The following TARDBP variants were observed in gnomAD, a reference collection of about 807,000 sequenced individuals.
TARDBP encodes the protein TAR DNA binding protein.
In TARDBP, 4 loss-of-function variants were observed where a neutral mutation model predicts 38.3. That is an observed-to-expected ratio of 0.10 (90% CI 0.05 to 0.24). TARDBP has a LOEUF of 0.24. Ranked by LOEUF, TARDBP falls within the 10% of genes least tolerant of loss-of-function variation. The pLI is 1.00. For missense variants in TARDBP, 202 were observed against 521.9 expected, an observed-to-expected ratio of 0.39 and a Z score of 5.97; for synonymous variants, 184 against 183.8, an observed-to-expected ratio of 1.00 and a Z score of -0.01.
In TARDBP at chr1:11,022,959, C is replaced by T. The variant is rs1002221471; in HGVS notation, c.*305C>T. On this transcript the variant is annotated 3_prime_UTR_variant, in exon 6 of 6. Transcript: ENST00000240185. The surrounding 1 kb of genome is among the most constrained non-coding windows in gnomAD (Gnocchi z 4.5). ...AAGGTTTCTCCTGTAATATTTTATCCCTGGACTTGTCAAGTGAATTCTTTG... is the reference window on the plus strand; with the variant it reads ...AAGGTTTCTCCTGTAATATTTTATCTCTGGACTTGTCAAGTGAATTCTTTG... 15 of 1,381,370 alleles carry T rather than the reference C, an allele frequency of 1.1e-5. No homozygotes were observed. The highest frequency in any genetic ancestry group is 2.7e-4 in the Middle Eastern group (1 of 3,654). The allele number at this position is 1,381,370 out of a possible 1,614,324, so 85.6% of individuals were successfully genotyped here. A position where few individuals can be genotyped will look rare whatever the true frequency, so the allele number is the denominator to read the frequency against.
chr1:11,021,084 A>G (rs1643628004), intron 5 of TARDBP, among the ~76,000 whole-genome samples: 2 of 152,182 alleles, frequency 1.3e-5, no homozygotes, highest in South Asian at 2.1e-4. Context: ...AAGAAATCTA[A>G]AAGTAAATAT....
At chr1:11,017,539 C>G (rs961234734) in intron 3 of TARDBP, among the ~76,000 whole-genome samples, 1 of 152,046 alleles carries the variant, frequency 6.6e-6, no homozygotes, top group Admixed American at 6.6e-5. Flanking sequence ...CTTTCTGTTA[C>G]ACAGATGATA....
At chr1:11,021,467 G>A (rs1360805077) in intron 5 of TARDBP, among the ~76,000 whole-genome samples, 1 of 151,288 alleles carries the variant, frequency 6.6e-6, no homozygotes, top group African/African-American at 2.4e-5. Context: ...AGTAGATAAC[G>A]GGGTTTCACT....
downstream of TARDBP, among the ~76,000 whole-genome samples, chr1:11,028,703 TTTC>T (rs571897846): frequency 0.5 from 17,996 of 35,648 alleles, 3,273 homozygotes; most frequent in African/African-American, 0.61. Flanking sequence ...CTGGGTTTTT[TTTC>T]TTTTTTTTTT....
Position 11,022,318 on chromosome 1 carries a change from A to C in TARDBP, c.909A>C (p.Gln303His), listed in dbSNP as rs1375684772. ...RGGGAGLGNNQGSNMGGGMNF... is the reference protein window; with the variant it reads ...RGGGAGLGNNHGSNMGGGMNF... ...GTGGAGCTGGTTTGGGAAACAATCA[A>C]GGTAGTAATATGGGTGGTGGGATGA... is the stretch of plus-strand genomic sequence containing the variant. The change falls in exon 6 of 6, where the codon CAA (glutamine) becomes CAC (histidine). Residue 303 changes from glutamine (Q) to histidine (H), a missense_variant. Transcript: ENST00000240185. This position sits in a 1 kb window ranked among gnomAD's most constrained non-coding sequence, Gnocchi z 4.5. 1.2e-6 allele frequency: 2 copies of C among 1,613,958 alleles called. No homozygotes were observed. Among genetic ancestry groups the C allele is most frequent in the Non-Finnish European group, 1.7e-6 (2 of 1,179,864 alleles).
At chr1:11,026,757 CTG>C (rs761274634), downstream of TARDBP, 2 of 700,774 alleles carry the variant, frequency 2.9e-6, no homozygotes, top group African/African-American at 1.9e-5. Flanking sequence ...CACCTGGAGT[CTG>C]TTTTTTTGGG....
In TARDBP at chr1:11,022,075, A is replaced by G. The variant is rs779626801; in HGVS notation, c.715-49A>G. ...TAAGTTTTGTTGCTACTTTAAATAT[A>G]TGAATCAGTGGTTTAATCTTCTTTG... On this transcript the variant is annotated intron_variant, in intron 5 of 5. Coordinates refer to ENST00000240185, the MANE Select transcript of TARDBP (RefSeq NM_007375.4). This position sits in a 1 kb window ranked among gnomAD's most constrained non-coding sequence, Gnocchi z 4.5. 1.2e-6 allele frequency: 2 copies of G among 1,606,292 alleles called. No homozygotes were observed. Among genetic ancestry groups the G allele is most frequent in the East Asian group, 2.2e-5 (1 of 44,844 alleles).
chr1:11,017,067 T>G (rs1424281649), intron 3 of TARDBP, 60 bp downstream of exon 3: 6 of 1,568,950 alleles, frequency 3.8e-6, no homozygotes, highest in Non-Finnish European at 5.3e-6. Flanking sequence ...CTAGCATTTA[T>G]TTATTGGTAT....
intron 5 of TARDBP, among the ~76,000 whole-genome samples, chr1:11,021,466 C>CG (rs1643637154): frequency 6.6e-6 from 1 of 151,570 alleles, no homozygotes; most frequent in Admixed American, 6.6e-5. Context: ...TAGTAGATAA[C>CG]GGGGTTTCAC....
intron 5 of TARDBP, among the ~76,000 whole-genome samples, chr1:11,021,721 C>T (rs1018429252): frequency 3.3e-5 from 5 of 152,230 alleles, no homozygotes; most frequent in African/African-American, 1.2e-4. Context: ...CAGCTTCAGC[C>T]TCCCAAGTAG....
At chr1:11,019,929 A>G (rs1467296889) in intron 4 of TARDBP, among the ~76,000 whole-genome samples, 13 of 144,606 alleles carry the variant, frequency 9.0e-5, no homozygotes, top group African/African-American at 2.6e-4. Context: ...CAATGGTGCA[A>G]TCTTGGCTCA....
intron 4 of TARDBP, among the ~76,000 whole-genome samples, 200 bp from the exon 5 acceptor site, chr1:11,020,229 C>CT (rs1429461594): frequency 6.6e-6 from 1 of 152,120 alleles, no homozygotes; most frequent in East Asian, 1.9e-4. Flanking sequence ...TGACTGTGTA[C>CT]TTTTGTAACT....
chr1:11,019,180 G>C (rs1370523029), intron 4 of TARDBP: 1 of 391,758 alleles, frequency 2.6e-6, no homozygotes, highest in Non-Finnish European at 4.8e-6. Context: ...AACATAAAGA[G>C]AATCAGAATA....
At chr1:11,020,199 A>G (rs1261171759) in intron 4 of TARDBP, among the ~76,000 whole-genome samples, 1 of 152,182 alleles carries the variant, frequency 6.6e-6, no homozygotes, top group African/African-American at 2.4e-5. Context: ...ATGTATTTAT[A>G]TCCATCATTA....
At chr1:11,017,419 T>C (rs1055181938) in intron 3 of TARDBP, among the ~76,000 whole-genome samples, 1 of 152,182 alleles carries the variant, frequency 6.6e-6, no homozygotes, top group East Asian at 1.9e-4. Flanking sequence ...CAGGCTGTTC[T>C]TGAACTCCTG....
At position 11,025,427 on chromosome 1, in the gene TARDBP, A is replaced by G. The variant is rs187380325; in HGVS notation, c.*2773A>G. ...TTGTTTTTAAAAATCTATTTGGTCA[A>G]TCTAAATGCATTCATTCTAAAAAAT... On this transcript the variant is annotated 3_prime_UTR_variant, in exon 6 of 6. Transcript: ENST00000240185. 51 of 152,346 alleles carry G rather than the reference A, an allele frequency of 3.3e-4. No homozygotes were observed. The East Asian group carries it at 4.6e-3, about 14-fold the overall frequency. The allele number at this position is 152,346 out of a possible 1,614,324, so 9.4% of individuals were successfully genotyped here.
At chr1:11,029,634 CTTTTTTTTTT>C (rs551910712), downstream of TARDBP, 22 of 80,958 alleles carry the variant, frequency 2.7e-4, no homozygotes, top group Admixed American at 1.9e-3. Flanking sequence ...TTTTTAAAAT[CTTTTTTTTTT>C]TTTTTTTTTT....
chr1:11,018,859 C>G lies in TARDBP; in HGVS notation c.529C>G (p.Leu177Val). The G allele has an allele frequency of 6.2e-7, 1 of 1,614,114 alleles. No homozygotes were observed. The highest frequency in any genetic ancestry group is 8.5e-7 in the Non-Finnish European group (1 of 1,180,038). The part of the protein sequence containing the change: ...MIDGRWCDCK[L>V]PNSKQSQDEP... ...AGATGGACGATGGTGTGACTGCAAA[C>G]TTCCTAATTCTAAGGTACTTGCGTC... The change falls in exon 4 of 6, where the codon CTT (leucine) becomes GTT (valine). Residue 177 changes from leucine to valine, a missense_variant. Around this residue, in one of 5 missense-constraint regions of TARDBP, gnomAD observed 71 missense variants for 185.4 expected, o/e 0.38. Transcript: ENST00000240185.
chr1:11,030,381 T>C, downstream of TARDBP: 1 of 648,474 alleles, frequency 1.5e-6, no homozygotes, highest in Non-Finnish European at 2.7e-6. Flanking sequence ...AGAACCATTT[T>C]ACATGATTTC....
Sources: gnomAD v4.1 joint callset for allele counts (sites outside exome capture counted in the v4.1 genomes callset) on GRCh38, gnomAD v4.1.1 for gene constraint, gnomAD v4.1.1 regional missense constraint, Gnocchi (gnomAD v3.1) non-coding constraint, MANE v1.5 for transcripts, NCBI Gene and HGNC (gene_info 2026-07-23, HGNC 2026-07-21) for gene names.